Variants in TAF5L observed in about 807,000 individuals in gnomAD.
TAF5L encodes the protein TATA-box binding protein associated factor 5 like.
A neutral mutation model predicts 51.3 loss-of-function variants in TAF5L; 7 were observed. That is an observed-to-expected ratio of 0.14 (90% CI 0.08 to 0.26). The LOEUF (loss-of-function observed/expected upper bound fraction) is 0.26, where lower values mean the gene tolerates loss of function less well. Among genes scored for constraint, TAF5L ranks in the 10% least tolerant of loss-of-function variants. The pLI is 1.00. For synonymous variants in TAF5L, 291 were observed against 308.1 expected, an observed-to-expected ratio of 0.94 and a Z score of 0.58; for missense variants, 575 against 758.9, an observed-to-expected ratio of 0.76 and a Z score of 2.85.
intron 3 of TAF5L, among the ~76,000 whole-genome samples, chr1:229,603,153 G>T (rs113795213): frequency 0.013 from 1,994 of 152,256 alleles, 47 homozygotes; most frequent in African/African-American, 0.046. Flanking sequence ...TGGGCACAAC[G>T]CAGGAACTTA....
intron 2 of TAF5L, among the ~76,000 whole-genome samples, chr1:229,612,933 C>T (rs906000989): frequency 3.3e-5 from 5 of 152,140 alleles, no homozygotes; most frequent in Non-Finnish European, 2.9e-5. Flanking sequence ...CTGCTAACTC[C>T]ACCTCCACAC....
intron 1 of TAF5L, among the ~76,000 whole-genome samples, chr1:229,624,768 G>A (rs1271785450): frequency 6.6e-6 from 1 of 152,100 alleles, no homozygotes; most frequent in African/African-American, 2.4e-5. Flanking sequence ...TTAAAGATGT[G>A]GCCAGATGCA....
At chr1:229,620,970 G>GTGTGTC (rs879924055) in intron 1 of TAF5L, among the ~76,000 whole-genome samples, 14 of 151,968 alleles carry the variant, frequency 9.2e-5, no homozygotes, top group African/African-American at 3.4e-4. Context: ...GTGTGTGTGT[G>GTGTGTC]TGTGTGTGTG....
intron 1 of TAF5L, among the ~76,000 whole-genome samples, chr1:229,616,860 A>G (rs942786905): frequency 6.6e-6 from 1 of 152,182 alleles, no homozygotes. Flanking sequence ...TGTGCATTTT[A>G]TTTCTAGGTT....
chr1:229,600,485 A>C, intron 4 of TAF5L: 1 of 985,352 alleles, frequency 1.0e-6, no homozygotes, highest in Non-Finnish European at 1.2e-6. Flanking sequence ...CACAAACGTC[A>C]CCCTTGATGC....
At position 229,602,430 on chromosome 1, in the gene TAF5L, A is replaced by C. The variant is rs752842638; in HGVS notation, c.737T>G (p.Ile246Ser). Residue 246 changes from isoleucine (I) to serine (S), a missense_variant, in exon 4 of 5, where the codon ATT becomes AGT. This residue lies in a region of TAF5L where 380 missense variants were observed against 443.7 expected (regional missense o/e 0.86). Coordinates refer to ENST00000258281, the Ensembl canonical transcript of TAF5L. This position sits in a 1 kb window ranked among gnomAD's most constrained non-coding sequence, Gnocchi z 4.6. ...GGGAGGCCCATCCTTGACTCGCTTA[A>C]TGCTCTCCTGTAAGACCTCTAGGGC... 1 of 1,614,106 alleles carries C rather than the reference A, an allele frequency of 6.2e-7. No homozygotes were observed. Among genetic ancestry groups the C allele is most frequent in the Admixed American group, 1.7e-5 (1 of 60,008 alleles).
At chr1:229,599,894 CAG>C in intron 4 of TAF5L, 3 of 985,422 alleles carry the variant, frequency 3.0e-6, no homozygotes, top group Non-Finnish European at 3.6e-6. Flanking sequence ...AAGATGAAAG[CAG>C]AGAGTGCAAG....
At chr1:229,605,551 G>T (rs559419612) in intron 3 of TAF5L, among the ~76,000 whole-genome samples, 2 of 152,046 alleles carry the variant, frequency 1.3e-5, no homozygotes, top group Non-Finnish European at 2.9e-5. Context: ...GTCAAACTGT[G>T]GGGGGGCCCA....
chr1:229,625,015 T>C lies in TAF5L; in HGVS notation c.-4+870A>G, dbSNP rs562861153. Reference sequence around the variant, plus strand: ...TTCCAATCTGCAAGGTCAGTTTAGGTACAGTAATTTAAGACAGACACTGCA... The same window carrying C: ...TTCCAATCTGCAAGGTCAGTTTAGGCACAGTAATTTAAGACAGACACTGCA... On this transcript the variant is annotated intron_variant, in intron 1 of 4. Transcript: ENST00000258281. The surrounding 1 kb of genome is among the most constrained non-coding windows in gnomAD (Gnocchi z 4.0). 7.9e-5 allele frequency among the ~76,000 whole-genome samples: 12 copies of C among 152,228 alleles called. No individual in the cohort carries two copies. Among genetic ancestry groups the C allele is most frequent in the Admixed American group, 4.6e-4 (7 of 15,292 alleles).
At chr1:229,612,780 T>C (rs1465476408) in intron 2 of TAF5L, among the ~76,000 whole-genome samples, 1 of 152,096 alleles carries the variant, frequency 6.6e-6, no homozygotes, top group African/African-American at 2.4e-5. Flanking sequence ...CTGCGGCTAC[T>C]AGGATGGAGG....
intron 3 of TAF5L, among the ~76,000 whole-genome samples, chr1:229,609,106 T>A (rs1248028210): frequency 2.0e-5 from 3 of 152,214 alleles, no homozygotes; most frequent in African/African-American, 7.2e-5. Flanking sequence ...AGGATAGATA[T>A]TGTCCTAAGA....
At chr1:229,606,564 C>G (rs1332737898) in intron 3 of TAF5L, 34 of 985,304 alleles carry the variant, frequency 3.5e-5, no homozygotes, top group Non-Finnish European at 4.0e-5. Context: ...AGGTTTGGCT[C>G]TATTGACTAG....
intron 1 of TAF5L, among the ~76,000 whole-genome samples, chr1:229,620,583 C>G (rs958732857): frequency 2.0e-4 from 31 of 152,296 alleles, no homozygotes; most frequent in African/African-American, 7.5e-4. Flanking sequence ...ATCTTTGAAA[C>G]TCATCATAAA....
Position 229,594,725 on chromosome 1 carries a change from T to G in TAF5L, c.1342A>C (p.Lys448Gln), listed in dbSNP as rs144996852. The G allele has an allele frequency of 6.2e-7, 1 of 1,614,058 alleles. No homozygotes were observed. Among genetic ancestry groups the G allele is most frequent in the Non-Finnish European group, 8.5e-7 (1 of 1,180,048 alleles). The stretch of plus-strand genomic sequence containing the variant: ...TGAGCGCTCCACAGCCGGACGGTCT[T>G]GTCGGTTGAGCCCGTGGCCAAGTAG... Residue 448 changes from lysine to glutamine, a missense_variant, in exon 5 of 5, where the codon AAG (lysine) becomes CAG (glutamine). Lys to Gln is a moderately conservative substitution (Grantham distance 53, BLOSUM62 1). Transcript: ENST00000258281. This position sits in a 1 kb window ranked among gnomAD's most constrained non-coding sequence, Gnocchi z 7.9.
chr1:229,611,058 G>A (rs1016904256), intron 2 of TAF5L, among the ~76,000 whole-genome samples: 2 of 152,048 alleles, frequency 1.3e-5, no homozygotes, highest in African/African-American at 2.4e-5. Flanking sequence ...ATCCTCCAGG[G>A]TGACCAGGGT....
chr1:229,597,070 T>C (rs1285885972), intron 4 of TAF5L, among the ~76,000 whole-genome samples: 1 of 152,242 alleles, frequency 6.6e-6, no homozygotes, highest in Admixed American at 6.5e-5. Flanking sequence ...AGAATATTAG[T>C]AATTTTCCTT....
At chr1:229,598,690 C>CTTTTTTTTT (rs71563413) in intron 4 of TAF5L, among the ~76,000 whole-genome samples, 1 of 141,404 alleles carries the variant, frequency 7.1e-6, no homozygotes. Flanking sequence ...TTGGATATCT[C>CTTTTTTTTT]TTTTTTTTTT....
Position 229,594,165 on chromosome 1 carries a change from C to T in TAF5L, c.*132G>A. On this transcript the variant is annotated 3_prime_UTR_variant, in exon 5 of 5. Transcript: ENST00000258281. This position sits in a 1 kb window ranked among gnomAD's most constrained non-coding sequence, Gnocchi z 7.9. The stretch of plus-strand genomic sequence containing the variant: ...GGGGGCTGAGTGAAGGGGGACCTGC[C>T]CGGAATGAGGGCCCAGGAGAGAGGG... The T allele has an allele frequency of 9.0e-7, 1 of 1,107,526 alleles. No individual in the cohort carries two copies. Among genetic ancestry groups the T allele is most frequent in the Non-Finnish European group, 1.3e-6 (1 of 786,770 alleles). The allele number at this position is 1,107,526 out of a possible 1,614,324, so 68.6% of individuals were successfully genotyped here. A position where few individuals can be genotyped will look rare whatever the true frequency, so the allele number is the denominator to read the frequency against.
intron 1 of TAF5L, among the ~76,000 whole-genome samples, chr1:229,618,033 A>G (rs1665070027): frequency 6.6e-6 from 1 of 152,192 alleles, no homozygotes; most frequent in Non-Finnish European, 1.5e-5. Flanking sequence ...CAATGTACAT[A>G]TATTTCAAGT....
Sources: allele counts gnomAD v4.1 joint callset (sites outside exome capture counted in the v4.1 genomes callset), GRCh38; gene constraint gnomAD v4.1.1; regional missense constraint gnomAD v4.1.1; non-coding constraint Gnocchi (gnomAD v3.1); transcripts MANE v1.5; gene names NCBI Gene and HGNC (gene_info 2026-07-23, HGNC 2026-07-21).